NLN: variants seen among roughly 807,000 people sequenced by gnomAD.
NLN encodes neurolysin.
A neutral mutation model predicts 79.9 loss-of-function variants in NLN; 64 were observed. The ratio of observed to expected loss-of-function variants is 0.80; its 90% confidence interval spans 0.65 to 0.99. The LOEUF is 0.99. Among genes scored for constraint, NLN ranks in the 50% least tolerant of loss-of-function variants. The pLI is 0.00. For synonymous variants in NLN, 267 were observed against 296.6 expected (o/e 0.90, Z 1.02); for missense variants, 835 against 858.7 (o/e 0.97, Z 0.34).
At position 65,774,150 on chromosome 5, in the gene NLN, T is replaced by C. The variant is rs544224439; in HGVS notation, c.451-3277T>C. The stretch of plus-strand genomic sequence containing the variant: ...AGTTTTCTTGTCTGTAATATGAGTA[T>C]ATAATCATACTTGTGAGAGATGCAG... On this transcript the variant is annotated intron_variant, in intron 3 of 12. Coordinates refer to ENST00000380985, the MANE Select transcript of NLN (RefSeq NM_020726.5). Among the ~76,000 whole-genome samples, 4 of 151,700 alleles carry C rather than the reference T, an allele frequency of 2.6e-5. No homozygotes were observed. In the East Asian group the frequency reaches 7.8e-4, roughly 29 times the overall value.
chr5:65,801,607 C>T (rs1760287459), intron 9 of NLN, among the ~76,000 whole-genome samples: 1 of 152,180 alleles, frequency 6.6e-6, no homozygotes, highest in Non-Finnish European at 1.5e-5. Flanking sequence ...TTAGTAAGCA[C>T]TAGGGTTATT....
rs150372428 is a variant in NLN, at chr5:65,765,706, C to T, written c.450+2598C>T. On this transcript the variant is annotated intron_variant, in intron 3 of 12. Coordinates refer to ENST00000380985, the MANE Select transcript of NLN (RefSeq NM_020726.5). ...CCTGAGTCACAGAGTGAGACCATGT[C>T]TCAGAAAGAAAAAAAAAAAAATCCA... Among the ~76,000 whole-genome samples the T allele has an allele frequency of 1.7e-3, 255 of 148,748 alleles. 5 individuals carry two copies. In the East Asian group the frequency reaches 0.023, roughly 13 times the overall value.
chr5:65,763,188 T>C (rs1428228655), intron 3 of NLN, 80 bp downstream of exon 3: 6 of 1,216,038 alleles, frequency 4.9e-6, no homozygotes, highest in African/African-American at 1.5e-5. Flanking sequence ...TAAAACATAC[T>C]GACTGGATTT....
chr5:65,757,814 G>T (rs376054535), intron 1 of NLN, among the ~76,000 whole-genome samples: 6 of 151,758 alleles, frequency 4.0e-5, no homozygotes, highest in African/African-American at 1.5e-4. Context: ...TGAAATTTTG[G>T]TTAAAAAAAA....
At chr5:65,788,018 A>G in intron 7 of NLN, 100 bp from the exon 8 acceptor site, 1 of 1,126,492 alleles carries the variant, frequency 8.9e-7, no homozygotes, top group Non-Finnish European at 1.3e-6. Flanking sequence ...TGTATTGAGT[A>G]CTGCAAAGGA....
At chr5:65,765,330 C>G (rs1347808959) in intron 3 of NLN, among the ~76,000 whole-genome samples, 1 of 152,142 alleles carries the variant, frequency 6.6e-6, no homozygotes, top group Non-Finnish European at 1.5e-5. Context: ...CCAGCCTGGT[C>G]AACATGGTGA....
chr5:65,763,879 C>T (rs1265505976), intron 3 of NLN, among the ~76,000 whole-genome samples: 1 of 152,098 alleles, frequency 6.6e-6, no homozygotes, highest in African/African-American at 2.4e-5. Context: ...CCTATTTTCT[C>T]ATATCAGACA....
chr5:65,779,965 A>G (rs1219103635), intron 4 of NLN: 3 of 381,472 alleles, frequency 7.9e-6, no homozygotes, highest in African/African-American at 4.2e-5. Flanking sequence ...AGCTGGGATT[A>G]TAAGCACACA....
At chr5:65,788,608 G>A in intron 8 of NLN, 124 bp downstream of exon 8, 1 of 972,796 alleles carries the variant, frequency 1.0e-6, no homozygotes, top group Non-Finnish European at 1.6e-6. Flanking sequence ...GGCCAAGGTG[G>A]GAGGATTGCT....
intron 6 of NLN, among the ~76,000 whole-genome samples, chr5:65,783,047 G>A (rs1255037147): frequency 1.3e-5 from 2 of 152,132 alleles, no homozygotes; most frequent in Non-Finnish European, 2.9e-5. Context: ...TTAGGGTCCA[G>A]GCTAAGGGAC....
chr5:65,786,049 TTAGA>T (rs1461770273), intron 7 of NLN, 139 bp downstream of exon 7: 2 of 702,760 alleles, frequency 2.8e-6, no homozygotes, highest in Non-Finnish European at 4.5e-6. Flanking sequence ...CTATTAAGTG[TTAGA>T]TAGTGTGCTT....
chr5:65,757,824 A>G (rs539594988), intron 1 of NLN, among the ~76,000 whole-genome samples: 2 of 152,294 alleles, frequency 1.3e-5, no homozygotes, highest in South Asian at 2.1e-4. Context: ...GTTAAAAAAA[A>G]TTGGTGTTCA....
rs115556704 is a variant in NLN at position 65,821,315 on chromosome 5, T to C, written c.1981-1466T>C. Among the ~76,000 whole-genome samples, 821 of 152,288 alleles carry C rather than the reference T, an allele frequency of 5.4e-3. 9 individuals carry two copies. Among genetic ancestry groups the C allele is most frequent in the Non-Finnish European group, 4.9e-3 (331 of 68,018 alleles). ...CCTTCCTAAAGACTATTTTATGCTC[T>C]GGGCCCTAGACCTGTCCAGTATGGT... On this transcript the variant is annotated intron_variant, in intron 12 of 12. Coordinates refer to ENST00000380985, the MANE Select transcript of NLN (RefSeq NM_020726.5).
At chr5:65,768,285 G>A (rs1177375503) in intron 3 of NLN, among the ~76,000 whole-genome samples, 2 of 152,094 alleles carry the variant, frequency 1.3e-5, no homozygotes, top group Non-Finnish European at 2.9e-5. Context: ...TGGGTGGGAG[G>A]CCTTAGGAAC....
Position 65,810,106 on chromosome 5 carries a change from A to G in NLN, c.1784A>G (p.Asp595Gly). ...DQSLHTNTSL[D>G]AASEYAKYCS... Reference sequence around the variant, plus strand: ...TCTCTTCATACCAACACATCGCTGGATGCTGCAAGTGAATATGCCAAATAC... The same window carrying G: ...TCTCTTCATACCAACACATCGCTGGGTGCTGCAAGTGAATATGCCAAATAC... Residue 595 changes from aspartate (D) to glycine (G), a missense_variant, in exon 11 of 13, where the codon GAT becomes GGT. Coordinates refer to ENST00000380985, the MANE Select transcript of NLN (RefSeq NM_020726.5). 6.2e-7 allele frequency: 1 copy of G among 1,614,020 alleles called. No homozygotes were observed.
intron 3 of NLN, among the ~76,000 whole-genome samples, chr5:65,771,595 T>C (rs1759566876): frequency 6.6e-6 from 1 of 152,212 alleles, no homozygotes; most frequent in South Asian, 2.1e-4. Flanking sequence ...CAATTAGTGA[T>C]TTAAATAGGA....
At chr5:65,755,441 T>C (rs965352495) in intron 1 of NLN, among the ~76,000 whole-genome samples, 1 of 152,206 alleles carries the variant, frequency 6.6e-6, no homozygotes, top group Non-Finnish European at 1.5e-5. Context: ...ATATAAGTAG[T>C]ATGAATTCAG....
chr5:65,739,127 TTCTGACCTCAGATGA>T (rs1462109805), intron 1 of NLN, among the ~76,000 whole-genome samples: 5 of 150,048 alleles, frequency 3.3e-5, no homozygotes, highest in African/African-American at 1.2e-4. Context: ...GGTTTCGAAC[TTCTGACCTCAGATGA>T]TCTGACCACC....
chr5:65,801,023 C>T (rs1388996050), intron 9 of NLN, among the ~76,000 whole-genome samples: 3 of 152,056 alleles, frequency 2.0e-5, no homozygotes, highest in Non-Finnish European at 4.4e-5. Context: ...CTGTCTTCCT[C>T]TCAAGAACTT....
Sources: allele counts gnomAD v4.1 joint callset (sites outside exome capture counted in the v4.1 genomes callset), GRCh38; gene constraint gnomAD v4.1.1; transcripts MANE v1.5; gene names NCBI Gene and HGNC (gene_info 2026-07-23, HGNC 2026-07-21).